DEPDC5: variants seen among roughly 807,000 people sequenced by gnomAD.
The protein encoded by DEPDC5 is DEP domain containing 5, GATOR1 subcomplex subunit.
In DEPDC5, 73 loss-of-function variants were observed where a neutral mutation model predicts 217.3. The ratio of observed to expected loss-of-function variants is 0.34; its 90% CI spans 0.28 to 0.41. The LOEUF (loss-of-function observed/expected upper bound fraction) is 0.41. Among genes scored for constraint, DEPDC5 ranks in the 10% least tolerant of loss-of-function variants. The probability of loss-of-function intolerance (pLI) is 1.00; values close to 1 mark genes in which losing one functional copy is unlikely to be tolerated. For synonymous variants in DEPDC5, 733 were observed against 756.7 expected, an observed-to-expected ratio of 0.97 and a Z score of 0.51; for missense variants, 1,675 against 2,070.1, an observed-to-expected ratio of 0.81 and a Z score of 3.70.
At position 31,846,820 on chromosome 22, in the gene DEPDC5, C is replaced by G. The variant is rs201960899; in HGVS notation, c.3022-14C>G. 1.2e-6 allele frequency: 2 copies of G among 1,614,184 alleles called. No individual in the cohort carries two copies. Among genetic ancestry groups the G allele is most frequent in the Admixed American group, 3.3e-5 (2 of 60,026 alleles). ...CACTTGGCTGATGGCCTTGTCTCCT[C>G]TTCTCTGCTTTAGAAAGGGACCGCC... On this transcript the variant is annotated splice_polypyrimidine_tract_variant and intron_variant, in intron 30 of 42. Coordinates refer to ENST00000651528, the MANE Select transcript of DEPDC5 (RefSeq NM_001242896.3).
At chr22:31,870,046 A>G (rs2149226377) in intron 33 of DEPDC5, among the ~76,000 whole-genome samples, 2 of 152,334 alleles carry the variant, frequency 1.3e-5, no homozygotes, top group South Asian at 2.1e-4. Context: ...GAAGAGAGCT[A>G]TCAGATGGCT....
chr22:31,902,815 G>A (rs973103884), intron 41 of DEPDC5, among the ~76,000 whole-genome samples: 1 of 152,094 alleles, frequency 6.6e-6, no homozygotes, highest in Non-Finnish European at 1.5e-5. Flanking sequence ...GGAGAGCCCG[G>A]TGATGCACCT....
intron 16 of DEPDC5, 84 bp downstream of exon 16, chr22:31,804,307 T>G: frequency 7.6e-7 from 1 of 1,322,702 alleles, no homozygotes; most frequent in African/African-American, 1.4e-5. Context: ...TGGCATGCAC[T>G]TATAGTCCCA....
chr22:31,867,429 G>C (rs1431502968), intron 33 of DEPDC5, among the ~76,000 whole-genome samples: 1 of 152,176 alleles, frequency 6.6e-6, no homozygotes, highest in Admixed American at 6.5e-5. Context: ...ATAAAATAAA[G>C]ACAACCAGAT....
chr22:31,848,240 C>T (rs1401634380), intron 31 of DEPDC5, among the ~76,000 whole-genome samples: 1 of 152,164 alleles, frequency 6.6e-6, no homozygotes. Context: ...ATGATGCAAG[C>T]CGTCGGTGGA....
At chr22:31,862,847 G>A (rs1159098095) in intron 33 of DEPDC5, among the ~76,000 whole-genome samples, 1 of 152,140 alleles carries the variant, frequency 6.6e-6, no homozygotes, top group Non-Finnish European at 1.5e-5. Context: ...TCTAAAATCT[G>A]AGTGTGGGTA....
At chr22:31,889,759 C>T (rs375402669) in intron 38 of DEPDC5, among the ~76,000 whole-genome samples, 69 of 151,980 alleles carry the variant, frequency 4.5e-4, no homozygotes, top group African/African-American at 1.6e-3. Context: ...AGGATGGTCT[C>T]GATCTCCTGA....
At chr22:31,754,490 C>G (rs529916251) in intron 1 of DEPDC5, among the ~76,000 whole-genome samples, 3 of 152,380 alleles carry the variant, frequency 2.0e-5, no homozygotes, top group African/African-American at 7.2e-5. Context: ...TGCCCGGAGT[C>G]ACACTTTCAT....
chr22:31,822,942 G>T, intron 24 of DEPDC5, 152 bp downstream of exon 24: 1 of 691,598 alleles, frequency 1.4e-6, no homozygotes, highest in Admixed American at 2.7e-5. Flanking sequence ...GCTCTATAAT[G>T]CATGGAATTA....
At chr22:31,761,967 CAA>C (rs776677814) in intron 4 of DEPDC5, among the ~76,000 whole-genome samples, 2,379 of 61,308 alleles carry the variant, frequency 0.039, 15 homozygotes, top group Middle Eastern at 0.055. Context: ...GACTCCGGCT[CAA>C]AAAAAAAAAA....
At chr22:31,776,094 G>A (rs2083821524) in intron 7 of DEPDC5, among the ~76,000 whole-genome samples, 1 of 146,700 alleles carries the variant, frequency 6.8e-6, no homozygotes, top group Admixed American at 6.9e-5. Context: ...AGGCTTCATT[G>A]TCTCTTTTGT....
chr22:31,781,185 C>T (rs1434216318), intron 8 of DEPDC5, among the ~76,000 whole-genome samples: 2 of 148,114 alleles, frequency 1.4e-5, no homozygotes, highest in African/African-American at 2.5e-5. Context: ...CATTGCACTC[C>T]AGCCTGGGCA....
At position 31,879,043 on chromosome 22, in the gene DEPDC5, A is replaced by AAAAAAAT. The variant is rs763615141; in HGVS notation, c.3806-481_3806-480insAAAAATA. Among the ~76,000 whole-genome samples, 64 of 119,450 alleles carry AAAAAAAT rather than the reference A, an allele frequency of 5.4e-4. No homozygotes were observed. In the South Asian group the frequency reaches 9.1e-3, roughly 17 times the overall value. The allele number at this position is 119,450 out of a possible 152,430, so 78.4% of individuals were successfully genotyped here. On this transcript the variant is annotated intron_variant, in intron 37 of 42. Transcript: ENST00000651528. ...AGACTCCGTCTCAAAAAAAAAAAAA[A>AAAAAAAT]ATATATATATATATATATATATATA...
intron 41 of DEPDC5, among the ~76,000 whole-genome samples, chr22:31,904,693 A>C (rs1242958751): frequency 1.3e-5 from 2 of 152,186 alleles, no homozygotes; most frequent in Non-Finnish European, 2.9e-5. Context: ...GCGGTGAGCC[A>C]AGATTGTACC....
At position 31,819,218 on chromosome 22, in the gene DEPDC5, T is replaced by C. The variant is rs1201319049; in HGVS notation, c.1863T>C (p.Phe621=). ...ACAGAAGGCGCTGGATGCACACTTT[T>C]CCTGTGGGTAAGTTGGTTGCTTAAG... is the stretch of plus-strand genomic sequence containing the variant. ...TSNRRRWMHT[F]PVGPSGEAIQ... Residue 621 remains phenylalanine (F), a synonymous_variant, in exon 22 of 43, where the codon TTT becomes TTC. Transcript: ENST00000651528. 4 of 1,614,138 alleles carry C rather than the reference T, an allele frequency of 2.5e-6. No individual in the cohort carries two copies. Among genetic ancestry groups the C allele is most frequent in the Middle Eastern group, 3.3e-4 (2 of 6,062 alleles).
intron 7 of DEPDC5, among the ~76,000 whole-genome samples, chr22:31,776,040 C>CAAAAA (rs753480175): frequency 2.1e-5 from 1 of 46,974 alleles, no homozygotes; most frequent in African/African-American, 7.7e-5. Flanking sequence ...GACTACATCT[C>CAAAAA]AAAAAAAAAA....
At chr22:31,805,787 G>A (rs1040150565) in intron 17 of DEPDC5, among the ~76,000 whole-genome samples, 4 of 152,174 alleles carry the variant, frequency 2.6e-5, no homozygotes, top group Non-Finnish European at 5.9e-5. Context: ...ATATTAGACT[G>A]TTTTTGACCT....
At chr22:31,771,715 TCACA>T (rs55851105) in intron 7 of DEPDC5, among the ~76,000 whole-genome samples, 3,797 of 77,626 alleles carry the variant, frequency 0.049, 96 homozygotes, top group Middle Eastern at 0.084. Flanking sequence ...CAAGACTCCG[TCACA>T]CACACACACA....
At chr22:31,755,055 A>C in intron 2 of DEPDC5, 76 bp downstream of exon 2, 1 of 1,549,818 alleles carries the variant, frequency 6.5e-7, no homozygotes, top group Non-Finnish European at 8.9e-7. Context: ...GAAATTACAC[A>C]CTGACTCGTG....
Sources: allele counts gnomAD v4.1 joint callset (sites outside exome capture counted in the v4.1 genomes callset), GRCh38; gene constraint gnomAD v4.1.1; transcripts MANE v1.5; gene names NCBI Gene and HGNC (gene_info 2026-07-23, HGNC 2026-07-21).